Variants in NBEA observed in about 807,000 individuals in gnomAD.
The protein encoded by NBEA is lysosomal-trafficking regulator 2.
Under a neutral mutation model 343.4 loss-of-function variants are expected in NBEA, and 44 were observed. That is an observed-to-expected ratio of 0.13 (90% confidence interval 0.10 to 0.16). The LOEUF (loss-of-function observed/expected upper bound fraction) is 0.16, where lower values mean the gene tolerates loss of function less well. Among genes scored for constraint, NBEA ranks in the 10% least tolerant of loss-of-function variants. The pLI is 1.00. For synonymous variants in NBEA, 1,175 were observed against 1,238.7 expected (o/e 0.95, Z 1.08); for missense variants, 2,555 against 3,631.3 (o/e 0.70, Z 7.62).
At chr13:35,225,530 C>G (rs573570910) in intron 33 of NBEA, among the ~76,000 whole-genome samples, 19 of 152,280 alleles carry the variant, frequency 1.2e-4, no homozygotes, top group African/African-American at 4.3e-4. Context: ...AAGTTTTCTG[C>G]AGTCTTCCAT....
At chr13:35,120,998 A>C (rs1015922639) in intron 16 of NBEA, among the ~76,000 whole-genome samples, 12 of 152,306 alleles carry the variant, frequency 7.9e-5, no homozygotes, top group African/African-American at 2.9e-4. Flanking sequence ...GTGGGGTCTA[A>C]TACCTTTTTT....
At chr13:35,593,000 T>G (rs1275736788) in intron 46 of NBEA, 1 of 240,870 alleles carries the variant, frequency 4.2e-6, no homozygotes, top group Non-Finnish European at 8.2e-6. Context: ...ATATATAGCC[T>G]TAATTATTCG....
At position 35,558,619 on chromosome 13, in the gene NBEA, A is replaced by T. The variant is rs570928025; in HGVS notation, c.6922+3517A>T. Among the ~76,000 whole-genome samples, 12 of 152,302 alleles carry T rather than the reference A, an allele frequency of 7.9e-5. No homozygotes were observed. In the South Asian group the frequency reaches 2.3e-3, roughly 29 times the overall value. On this transcript the variant is annotated intron_variant, in intron 44 of 58. Coordinates refer to ENST00000379939, the MANE Select transcript of NBEA (RefSeq NM_001385012.1). The stretch of plus-strand genomic sequence containing the variant: ...ATCAAAGTGTAGTCCCCTGACCTGC[A>T]CTATTACCTTGGAGACCTGTTAGAG...
chr13:35,472,632 G>T, intron 41 of NBEA, 96 bp downstream of exon 41: 4 of 1,212,550 alleles, frequency 3.3e-6, no homozygotes, highest in Non-Finnish European at 3.6e-6. Context: ...GAGGAGGGGA[G>T]CACATTCTCC....
At position 35,091,028 on chromosome 13, in the gene NBEA, G is replaced by C. The variant is rs138682807; in HGVS notation, c.1572-7269G>C. On this transcript the variant is annotated intron_variant, in intron 10 of 58. Coordinates refer to ENST00000379939, the MANE Select transcript of NBEA (RefSeq NM_001385012.1). ...AGACAACTCTGGGAGAAATCCTCTA[G>C]TTCTGAGTGCCCTGTTAATTTTTCT... 3.3e-5 allele frequency among the ~76,000 whole-genome samples: 5 copies of C among 152,056 alleles called. No homozygotes were observed. The East Asian group carries it at 9.7e-4, about 30-fold the overall frequency.
chr13:35,562,350 C>T (rs2079895220), intron 44 of NBEA, among the ~76,000 whole-genome samples: 1 of 151,906 alleles, frequency 6.6e-6, no homozygotes, highest in African/African-American at 2.4e-5. Flanking sequence ...ACAACCTATG[C>T]CTTATTTTAT....
At chr13:35,269,176 A>C (rs2033932494) in intron 34 of NBEA, among the ~76,000 whole-genome samples, 1 of 152,172 alleles carries the variant, frequency 6.6e-6, no homozygotes, top group Non-Finnish European at 1.5e-5. Context: ...TGTAAAAAAT[A>C]ACATAAGTTG....
intron 41 of NBEA, among the ~76,000 whole-genome samples, chr13:35,520,749 A>G (rs180816930): frequency 1.4e-3 from 213 of 152,342 alleles, no homozygotes; most frequent in African/African-American, 5.0e-3. Context: ...AAAAGAACAC[A>G]GTCTTCTGGC....
intron 33 of NBEA, among the ~76,000 whole-genome samples, chr13:35,212,449 A>G (rs6650445): frequency 0.074 from 11,197 of 152,184 alleles, 901 homozygotes; most frequent in African/African-American, 0.19. Flanking sequence ...GTTATTACAA[A>G]TAATACTGCT....
rs544466871 is a variant in NBEA at position 35,426,352 on chromosome 13, A to G, written c.6180-5917A>G. On this transcript the variant is annotated intron_variant, in intron 38 of 58. Transcript: ENST00000379939. ...TTTTAGGGCAGGCCTGGTAGTGACA[A>G]AATCTCTCAGCATTTGCTTGTTTGT... Among the ~76,000 whole-genome samples, 15 of 152,278 alleles carry G rather than the reference A, an allele frequency of 9.9e-5. No individual in the cohort carries two copies. In the East Asian group the frequency reaches 2.3e-3, roughly 24 times the overall value.
At chr13:35,515,788 A>G (rs991042505) in intron 41 of NBEA, among the ~76,000 whole-genome samples, 1 of 152,036 alleles carries the variant, frequency 6.6e-6, no homozygotes, top group African/African-American at 2.4e-5. Flanking sequence ...TCTCTTTGTT[A>G]AATGAAGGGT....
At chr13:35,545,533 A>G (rs1566298301) in intron 41 of NBEA, among the ~76,000 whole-genome samples, 1 of 152,252 alleles carries the variant, frequency 6.6e-6, no homozygotes. Flanking sequence ...TCATATTTGC[A>G]GTATTTTCCA....
intron 46 of NBEA, among the ~76,000 whole-genome samples, chr13:35,587,834 G>T (rs564973560): frequency 4.1e-4 from 63 of 152,136 alleles, no homozygotes; most frequent in African/African-American, 1.5e-3. Context: ...CTATGCAAGG[G>T]TATGCCAGAA....
intron 20 of NBEA, among the ~76,000 whole-genome samples, chr13:35,156,489 C>CT (rs774029526): frequency 3.3e-5 from 5 of 152,076 alleles, no homozygotes; most frequent in African/African-American, 9.7e-5. Context: ...TGGTACCTAT[C>CT]TATCACCAAT....
At chr13:35,353,178 G>A (rs1282809218) in intron 38 of NBEA, among the ~76,000 whole-genome samples, 1 of 152,180 alleles carries the variant, frequency 6.6e-6, no homozygotes, top group East Asian at 1.9e-4. Context: ...GCTCACGCCT[G>A]TAATCCCAGC....
intron 30 of NBEA, among the ~76,000 whole-genome samples, chr13:35,194,805 A>T (rs1274652497): frequency 1.3e-5 from 2 of 151,976 alleles, no homozygotes; most frequent in Admixed American, 1.3e-4. Context: ...CATTTTAAAG[A>T]TTTTTTTATT....
chr13:35,485,335 C>G (rs1341168003), intron 41 of NBEA, among the ~76,000 whole-genome samples: 1 of 151,976 alleles, frequency 6.6e-6, no homozygotes, highest in Non-Finnish European at 1.5e-5. Context: ...AATCACCCAG[C>G]CCTGAAAAAA....
chr13:35,323,330 A>T (rs1287674474), intron 36 of NBEA, among the ~76,000 whole-genome samples: 1 of 152,108 alleles, frequency 6.6e-6, no homozygotes, highest in Non-Finnish European at 1.5e-5. Flanking sequence ...TCCAACAATG[A>T]TAGACTGGAT....
chr13:35,554,762 G>A (rs898731095), intron 43 of NBEA, among the ~76,000 whole-genome samples: 9 of 152,074 alleles, frequency 5.9e-5, no homozygotes, highest in African/African-American at 2.2e-4. Context: ...AAATAAGGTT[G>A]CTTTCAAATT....
Sources: allele counts gnomAD v4.1 joint callset (sites outside exome capture counted in the v4.1 genomes callset), GRCh38; gene constraint gnomAD v4.1.1; transcripts MANE v1.5; gene names NCBI Gene and HGNC (gene_info 2026-07-23, HGNC 2026-07-21).